Variants in OXR1 observed in about 807,000 individuals in gnomAD.
The protein encoded by OXR1 is oxidation resistance 1.
In OXR1, 41 loss-of-function variants were observed where a neutral mutation model predicts 104.6. The ratio of observed to expected loss-of-function variants is 0.39; its 90% confidence interval spans 0.31 to 0.51. OXR1 has a LOEUF of 0.51. OXR1 is among the 20% of genes least tolerant of loss of function. The probability of loss-of-function intolerance (pLI) is 0.77; values close to 1 mark genes in which losing one functional copy is unlikely to be tolerated. For synonymous variants in OXR1, 348 were observed against 348.4 expected (o/e 1.00, Z 0.01); for missense variants, 955 against 1,031.9 (o/e 0.93, Z 1.02).
At chr8:106,338,819 T>C (rs948738258) in intron 1 of OXR1, among the ~76,000 whole-genome samples, 10 of 152,120 alleles carry the variant, frequency 6.6e-5, no homozygotes, top group African/African-American at 1.4e-4. Context: ...TATTTTGTGA[T>C]TCTTGGTATT....
chr8:106,514,398 C>G (rs1035865422), intron 2 of OXR1, among the ~76,000 whole-genome samples: 1 of 152,108 alleles, frequency 6.6e-6, no homozygotes, highest in African/African-American at 2.4e-5. Flanking sequence ...CACAGTTCTG[C>G]TTTCTAAGAA....
At chr8:106,670,003 A>G (rs1256237294) in intron 3 of OXR1, among the ~76,000 whole-genome samples, 4 of 152,156 alleles carry the variant, frequency 2.6e-5, no homozygotes, top group African/African-American at 9.7e-5. Flanking sequence ...CTGAATGAGG[A>G]CAAAGGTCTA....
chr8:106,564,561 G>A (rs1816935111), intron 3 of OXR1, among the ~76,000 whole-genome samples: 1 of 152,204 alleles, frequency 6.6e-6, no homozygotes, highest in South Asian at 2.1e-4. Flanking sequence ...GGTACAAAGA[G>A]GAGCTGGTAC....
At chr8:106,682,456 G>A (rs1223148740) in intron 4 of OXR1, 1 of 151,888 alleles carries the variant, frequency 6.6e-6, no homozygotes, top group East Asian at 2.0e-4. Flanking sequence ...TTTTAATAGA[G>A]ACGGGGTTTC....
intron 2 of OXR1, among the ~76,000 whole-genome samples, chr8:106,510,006 A>T (rs537339796): frequency 6.6e-6 from 1 of 152,228 alleles, no homozygotes; most frequent in Non-Finnish European, 1.5e-5. Context: ...TCCTGACCTC[A>T]AGTGATCTGC....
At chr8:106,444,508 T>C (rs2510813) in intron 2 of OXR1, among the ~76,000 whole-genome samples, 76,865 of 152,070 alleles carry the variant, frequency 0.51, 22,034 homozygotes, top group East Asian at 0.78. Context: ...TATGCAGCCA[T>C]GAAAAGGAAT....
chr8:106,725,993 C>A, intron 11 of OXR1: 1 of 440,618 alleles, frequency 2.3e-6, no homozygotes, highest in Non-Finnish European at 3.9e-6. Flanking sequence ...GGGTACAGTG[C>A]AACCAAACTT....
chr8:106,368,039 T>C (rs946653582), intron 2 of OXR1, among the ~76,000 whole-genome samples: 4 of 152,094 alleles, frequency 2.6e-5, no homozygotes, highest in Non-Finnish European at 4.4e-5. Flanking sequence ...CTAAATGTGA[T>C]GGGAAATTTT....
At chr8:106,478,101 C>A (rs1249482535) in intron 2 of OXR1, among the ~76,000 whole-genome samples, 2 of 151,796 alleles carry the variant, frequency 1.3e-5, no homozygotes, top group African/African-American at 4.8e-5. Context: ...GTGACACTGA[C>A]CTTAACTTGA....
intron 2 of OXR1, among the ~76,000 whole-genome samples, chr8:106,401,690 A>G (rs1586606978): frequency 6.6e-6 from 1 of 152,260 alleles, no homozygotes; most frequent in East Asian, 1.9e-4. Flanking sequence ...TTCATCTCAG[A>G]AGAGATATCA....
At chr8:106,360,769 A>G (rs181348439) in intron 2 of OXR1, among the ~76,000 whole-genome samples, 1 of 152,286 alleles carries the variant, frequency 6.6e-6, no homozygotes, top group Non-Finnish European at 1.5e-5. Context: ...TAATTTTTGT[A>G]GAACCTGTGA....
chr8:106,401,341 T>C (rs1445773633), intron 2 of OXR1, among the ~76,000 whole-genome samples: 1 of 152,194 alleles, frequency 6.6e-6, no homozygotes, highest in Non-Finnish European at 1.5e-5. Flanking sequence ...ACCATGCCTA[T>C]GGTCTTATCT....
At chr8:106,675,075 A>G (rs1034261301) in intron 3 of OXR1, among the ~76,000 whole-genome samples, 2 of 152,238 alleles carry the variant, frequency 1.3e-5, no homozygotes, top group African/African-American at 4.8e-5. Flanking sequence ...AGAATACTTT[A>G]TGGAAACAGT....
At chr8:106,342,160 C>T (rs955591012) in intron 1 of OXR1, among the ~76,000 whole-genome samples, 1 of 151,922 alleles carries the variant, frequency 6.6e-6, no homozygotes, top group Non-Finnish European at 1.5e-5. Context: ...TAGGTGTGAG[C>T]CACTGAACCT....
At chr8:106,509,650 G>T (rs1812392107) in intron 2 of OXR1, among the ~76,000 whole-genome samples, 1 of 152,162 alleles carries the variant, frequency 6.6e-6, no homozygotes, top group African/African-American at 2.4e-5. Context: ...TATCAAAACT[G>T]CAGAGTGTTT....
chr8:106,309,833 A>G (rs1000911664), intron 1 of OXR1, among the ~76,000 whole-genome samples: 1 of 151,210 alleles, frequency 6.6e-6, no homozygotes, highest in Non-Finnish European at 1.5e-5. Flanking sequence ...ATTTGTCCAC[A>G]TATTTATTGA....
chr8:106,704,210 A>G (rs899340225), intron 8 of OXR1, among the ~76,000 whole-genome samples: 2 of 152,056 alleles, frequency 1.3e-5, no homozygotes, highest in African/African-American at 4.8e-5. Context: ...ATCCAAGGCC[A>G]GTTTCAGCAA....
intron 9 of OXR1, among the ~76,000 whole-genome samples, chr8:106,708,410 TA>T (rs945911405): frequency 1.3e-4 from 20 of 151,944 alleles, no homozygotes; most frequent in African/African-American, 4.8e-4. Context: ...AACAAAAAAA[TA>T]AAAAACAAAA....
intron 2 of OXR1, among the ~76,000 whole-genome samples, chr8:106,490,629 G>T (rs543844341): frequency 5.9e-5 from 9 of 152,122 alleles, no homozygotes; most frequent in Non-Finnish European, 4.4e-5. Flanking sequence ...GTCTCCCAAA[G>T]TGCTGAGATT....
Sources: gnomAD v4.1 joint callset for allele counts (sites outside exome capture counted in the v4.1 genomes callset) on GRCh38, gnomAD v4.1.1 for gene constraint, MANE v1.5 for transcripts, NCBI Gene and HGNC (gene_info 2026-07-23, HGNC 2026-07-21) for gene names.